Variants in EYA3 observed in about 807,000 individuals in gnomAD.
EYA3 encodes protein phosphatase EYA3.
A neutral mutation model predicts 80.0 loss-of-function variants in EYA3; 39 were observed. The observed-to-expected ratio is 0.49, with a 90% CI of 0.38 to 0.64. The LOEUF (loss-of-function observed/expected upper bound fraction) is 0.64, where lower values mean the gene tolerates loss of function less well. Ranked by LOEUF, EYA3 falls within the 30% of genes least tolerant of loss-of-function variation. The probability of loss-of-function intolerance (pLI) is 0.00; values close to 1 mark genes in which losing one functional copy is unlikely to be tolerated. For synonymous variants in EYA3, 206 were observed against 232.8 expected, an observed-to-expected ratio of 0.88 and a Z score of 1.05; for missense variants, 523 against 676.1, an observed-to-expected ratio of 0.77 and a Z score of 2.51.
intron 16 of EYA3, among the ~76,000 whole-genome samples, chr1:27,983,212 G>A (rs532717257): frequency 2.0e-5 from 3 of 152,248 alleles, no homozygotes; most frequent in African/African-American, 7.2e-5. Context: ...AAGTGGGCAC[G>A]GTTTCAATAA....
At chr1:28,043,369 G>A (rs1411420017) in intron 3 of EYA3, among the ~76,000 whole-genome samples, 1 of 146,690 alleles carries the variant, frequency 6.8e-6, no homozygotes, top group Non-Finnish European at 1.5e-5. Flanking sequence ...TAAGTTCTAT[G>A]CTTTTAGCAA....
At chr1:27,977,340 G>T (rs969449151) in intron 17 of EYA3, 2 of 1,550,568 alleles carry the variant, frequency 1.3e-6, no homozygotes, top group Non-Finnish European at 1.7e-6. Context: ...TATCAGGGCA[G>T]TTGGTTCTAG....
chr1:28,030,211 G>C (rs1045873186), intron 6 of EYA3, among the ~76,000 whole-genome samples: 13 of 152,182 alleles, frequency 8.5e-5, no homozygotes, highest in Middle Eastern at 3.2e-3. Context: ...ACTCAGATTT[G>C]TCCAATTTGT....
At chr1:28,079,864 A>C (rs1308581519) in intron 1 of EYA3, among the ~76,000 whole-genome samples, 4 of 150,838 alleles carry the variant, frequency 2.7e-5, no homozygotes, top group Non-Finnish European at 5.9e-5. Context: ...TCCTGGGCTT[A>C]AGTGATCCTC....
rs1643451993 is a variant in EYA3, at chr1:28,036,304, T to C, written c.225-624A>G. ...GTGAGACACAAGGATGGATTAAACT[T>C]ATTCATGCTCTTATGCCTACATCTA... is the stretch of plus-strand genomic sequence containing the variant. On this transcript the variant is annotated intron_variant, in intron 5 of 17. Coordinates refer to ENST00000373871, the MANE Select transcript of EYA3 (RefSeq NM_001990.4). Among the ~76,000 whole-genome samples the C allele has an allele frequency of 2.0e-5, 3 of 152,352 alleles. No individual in the cohort carries two copies. The South Asian group carries it at 6.2e-4, about 32-fold the overall frequency.
intron 1 of EYA3, among the ~76,000 whole-genome samples, chr1:28,078,305 C>T (rs560228492): frequency 2.6e-5 from 4 of 152,162 alleles, no homozygotes; most frequent in Non-Finnish European, 4.4e-5. Flanking sequence ...AAATCCAACA[C>T]GCTACACAAG....
chr1:27,989,604 T>C (rs940975428), intron 15 of EYA3, 93 bp downstream of exon 15: 1 of 760,110 alleles, frequency 1.3e-6, no homozygotes, highest in Admixed American at 2.5e-5. Context: ...TCTACCCCTA[T>C]CCCAAACCCT....
intron 11 of EYA3, among the ~76,000 whole-genome samples, chr1:28,000,461 C>T (rs1405228723): frequency 2.0e-5 from 3 of 151,986 alleles, no homozygotes; most frequent in African/African-American, 2.4e-5. Flanking sequence ...TACAGGCATC[C>T]GCCACCACGC....
At chr1:28,056,559 A>C (rs1055112279) in intron 2 of EYA3, among the ~76,000 whole-genome samples, 1 of 152,208 alleles carries the variant, frequency 6.6e-6, no homozygotes, top group Non-Finnish European at 1.5e-5. Context: ...ATAAATCAAT[A>C]AGGAAATAAT....
chr1:28,014,420 A>G (rs532622842), intron 8 of EYA3, among the ~76,000 whole-genome samples: 1,078 of 102,422 alleles, frequency 0.011, no homozygotes, highest in Middle Eastern at 0.025. Flanking sequence ...ACTGTCTCAA[A>G]AAAAAAAAAA....
At position 28,010,944 on chromosome 1, in the gene EYA3, T is replaced by C; in HGVS notation, c.909+3A>G. Reference sequence around the variant, plus strand: ...AGGTAACTAAATCAGTTTCTTCTCATACTTCTAATTCACTGTCTTGGGAAG... The same window carrying C: ...AGGTAACTAAATCAGTTTCTTCTCACACTTCTAATTCACTGTCTTGGGAAG... On this transcript the variant is annotated splice_donor_region_variant and intron_variant, in intron 10 of 17. Transcript: ENST00000373871. 6.2e-7 allele frequency: 1 copy of C among 1,609,396 alleles called. No individual in the cohort carries two copies.
Position 27,972,733 on chromosome 1 carries a change from T to C in EYA3, c.*1733A>G, listed in dbSNP as rs1004271006. On this transcript the variant is annotated 3_prime_UTR_variant, in exon 18 of 18. Transcript: ENST00000373871. ...TCTAGGGAATTTTATCCTGCCTGAG[T>C]AGATGCCCAAATTGCTCTTGGAGGG... is the stretch of plus-strand genomic sequence containing the variant. The C allele has an allele frequency of 6.6e-6, 1 of 152,214 alleles. No homozygotes were observed. Among genetic ancestry groups the C allele is most frequent in the African/African-American group, 2.4e-5 (1 of 41,446 alleles). The allele number at this position is 152,214 out of a possible 1,614,324, so 9.4% of individuals were successfully genotyped here.
chr1:28,001,607 C>T (rs1048602215), intron 11 of EYA3, among the ~76,000 whole-genome samples: 23 of 150,448 alleles, frequency 1.5e-4, no homozygotes, highest in Admixed American at 7.9e-4. Context: ...GGCATGGTGA[C>T]GGGCACCTGT....
chr1:28,084,235 A>G (rs1323293327), intron 1 of EYA3, among the ~76,000 whole-genome samples: 1 of 152,036 alleles, frequency 6.6e-6, no homozygotes, highest in Non-Finnish European at 1.5e-5. Context: ...ATATACTACT[A>G]TAAAGAACAG....
intron 16 of EYA3, among the ~76,000 whole-genome samples, chr1:27,983,316 A>G (rs1639437712): frequency 6.6e-6 from 1 of 152,198 alleles, no homozygotes; most frequent in African/African-American, 2.4e-5. Flanking sequence ...TAAAAGTGGA[A>G]TTGCATGATC....
At chr1:28,063,505 C>T (rs1041669841) in intron 1 of EYA3, among the ~76,000 whole-genome samples, 14 of 151,644 alleles carry the variant, frequency 9.2e-5, no homozygotes, top group African/African-American at 2.7e-4. Context: ...TACAGGTGTG[C>T]GCCACCACAC....
intron 2 of EYA3, among the ~76,000 whole-genome samples, chr1:28,057,642 T>C (rs932543755): frequency 6.6e-6 from 1 of 152,132 alleles, no homozygotes; most frequent in Admixed American, 6.5e-5. Context: ...TTTTAAAAAA[T>C]TAACTCTCAA....
chr1:28,072,977 A>G (rs1645066454), intron 1 of EYA3, among the ~76,000 whole-genome samples: 1 of 151,000 alleles, frequency 6.6e-6, no homozygotes, highest in Non-Finnish European at 1.5e-5. Context: ...TACATATTGT[A>G]TAATTCCATT....
At chr1:27,994,755 C>A (rs1640313512) in intron 13 of EYA3, among the ~76,000 whole-genome samples, 1 of 151,896 alleles carries the variant, frequency 6.6e-6, no homozygotes, top group Non-Finnish European at 1.5e-5. Context: ...TTGCTTGAGG[C>A]CAGGAGTTTG....
Sources: allele counts gnomAD v4.1 joint callset (sites outside exome capture counted in the v4.1 genomes callset), GRCh38; gene constraint gnomAD v4.1.1; transcripts MANE v1.5; gene names NCBI Gene and HGNC (gene_info 2026-07-23, HGNC 2026-07-21).